The following PNISR variants were observed in gnomAD, a reference collection of about 807,000 sequenced individuals.
PNISR encodes the protein arginine/serine-rich protein PNISR.
In PNISR, 20 loss-of-function variants were observed where a neutral mutation model predicts 93.4. The ratio of observed to expected loss-of-function variants is 0.21; its 90% CI spans 0.15 to 0.31. The LOEUF (loss-of-function observed/expected upper bound fraction) is 0.31. Ranked by LOEUF, PNISR falls within the 10% of genes least tolerant of loss-of-function variation. The pLI, the probability that PNISR is intolerant of heterozygous loss-of-function variation, is 1.00. For synonymous variants in PNISR, 305 were observed against 306.5 expected (o/e 0.99, Z 0.05); for missense variants, 893 against 985.4 (o/e 0.91, Z 1.25).
Position 99,401,223 on chromosome 6 carries a change from T to C in PNISR, c.1735A>G (p.Arg579Gly), listed in dbSNP as rs761722741. 2.9e-5 allele frequency: 47 copies of C among 1,613,916 alleles called. No homozygotes were observed. The Admixed American group carries it at 7.7e-4, about 26-fold the overall frequency. Residue 579 changes from arginine (R) to glycine (G), a missense_variant, in exon 12 of 12, where the codon AGA becomes GGA. Around this residue, in one of 3 missense-constraint regions of PNISR, gnomAD observed 866 missense variants for 935.1 expected, o/e 0.93. Transcript: ENST00000369239. Reference protein sequence around the residue: ...RRSRSRSYSRRIKIESNRARV... With the variant: ...RRSRSRSYSRGIKIESNRARV... ...GCCCTATTGCTCTCTATTTTAATTC[T>C]GCGAGAATAGCTTCTACTCCTGCTA...
chr6:99,406,194 C>A, intron 7 of PNISR, 26 bp from the exon 8 acceptor site: 1 of 1,520,918 alleles, frequency 6.6e-7, no homozygotes, highest in Non-Finnish European at 9.0e-7. Context: ...GTATGGTAGT[C>A]CAAATTCATG....
intron 1 of PNISR, among the ~76,000 whole-genome samples, chr6:99,416,931 T>C (rs957070814): frequency 2.6e-5 from 4 of 152,232 alleles, no homozygotes; most frequent in Admixed American, 2.0e-4. Context: ...AATTTATTCA[T>C]CCTTTTATCT....
At chr6:99,402,092 G>A (rs1044436081) in intron 11 of PNISR, among the ~76,000 whole-genome samples, 1 of 151,992 alleles carries the variant, frequency 6.6e-6, no homozygotes, top group Non-Finnish European at 1.5e-5. Flanking sequence ...GTAAGTAAGT[G>A]GTTTATAGAG....
At chr6:99,408,327 CT>C in intron 6 of PNISR, 56 bp from the exon 7 acceptor site, 1 of 1,239,032 alleles carries the variant, frequency 8.1e-7, no homozygotes, top group Non-Finnish European at 1.1e-6. Context: ...TTTCTACAAA[CT>C]TGTGAGTAAA....
chr6:99,420,596 A>G (rs192445400), intron 1 of PNISR, among the ~76,000 whole-genome samples: 173 of 152,334 alleles, frequency 1.1e-3, no homozygotes, highest in African/African-American at 4.1e-3. Flanking sequence ...TAGAAAACAG[A>G]AGGAATACAC....
In PNISR at chr6:99,400,843, A is replaced by G. The variant is rs375608535; in HGVS notation, c.2115T>C (p.Ser705=). The G allele has an allele frequency of 1.9e-6, 3 of 1,607,030 alleles. No individual in the cohort carries two copies. In the African/African-American group the frequency reaches 4.0e-5, roughly 22 times the overall value. The change falls in exon 12 of 12, where the codon AGT becomes AGC. Residue 705 remains serine (S), a synonymous_variant. Coordinates refer to ENST00000369239, the MANE Select transcript of PNISR (RefSeq NM_032870.4). ...QKREEKDFKF[S]SQDDRLKRKR... is the part of the protein sequence containing the mutation. ...TCCTTTTTAATCTATCATCCTGACT[A>G]CTGAACTTAAAATCTTTTTCTTCCC...
At position 99,406,033 on chromosome 6, in the gene PNISR, T is replaced by C. The variant is rs750476385; in HGVS notation, c.1000A>G (p.Met334Val). The C allele has an allele frequency of 8.1e-6, 13 of 1,602,986 alleles. No homozygotes were observed. Among genetic ancestry groups the C allele is most frequent in the Non-Finnish European group, 9.4e-6 (11 of 1,174,492 alleles). ...EMTEEEKEYQMMLLTKMLLTE... is the reference protein window; with the variant it reads ...EMTEEEKEYQVMLLTKMLLTE... Reference sequence around the variant, plus strand: ...TAGTAAGAACTTTAACATTCTACCATTTGATACTCTTTCTCCTCTTCAGTC... The same window carrying C: ...TAGTAAGAACTTTAACATTCTACCACTTGATACTCTTTCTCCTCTTCAGTC... Residue 334 changes from methionine to valine, a missense_variant and splice_region_variant, in exon 8 of 12, where the codon ATG becomes GTG. Transcript: ENST00000369239.
In PNISR at chr6:99,403,858, G is replaced by A. The variant is rs751515194; in HGVS notation, c.1127C>T (p.Ser376Phe). The A allele has an allele frequency of 1.9e-6, 3 of 1,613,630 alleles. No individual in the cohort carries two copies. Among genetic ancestry groups the A allele is most frequent in the Non-Finnish European group, 2.5e-6 (3 of 1,179,718 alleles). ...TCCAGTGAGGGAAGCCAGTGCACTGGACTGTGCCAGCTGTTTTGCAGGAGC... is the reference window on the plus strand; with the variant it reads ...TCCAGTGAGGGAAGCCAGTGCACTGAACTGTGCCAGCTGTTTTGCAGGAGC... ...TKAPAKQLAQ[S>F]SALASLTGLG... Residue 376 changes from serine (S) to phenylalanine (F), a missense_variant, in exon 10 of 12, where the codon TCC (serine) becomes TTC (phenylalanine). Ser to Phe is a radical substitution (Grantham distance 155). This residue lies in a region of PNISR where 866 missense variants were observed against 935.1 expected (regional missense o/e 0.93). Coordinates refer to ENST00000369239, the MANE Select transcript of PNISR (RefSeq NM_032870.4).
At chr6:99,423,669 C>T (rs1778956710) in intron 1 of PNISR, among the ~76,000 whole-genome samples, 1 of 152,164 alleles carries the variant, frequency 6.6e-6, no homozygotes, top group Non-Finnish European at 1.5e-5. Context: ...AATCGTCTGG[C>T]AAATTCCAAT....
intron 9 of PNISR, chr6:99,404,363 C>A: frequency 2.0e-6 from 1 of 491,214 alleles, no homozygotes; most frequent in South Asian, 2.1e-5. Context: ...GAATTTTCCA[C>A]AATACATTTT....
In PNISR at chr6:99,400,951, C is replaced by A. The variant is rs1244170165; in HGVS notation, c.2007G>T (p.Arg669Ser). 1.3e-6 allele frequency: 2 copies of A among 1,587,932 alleles called. No homozygotes were observed. The highest frequency in any genetic ancestry group is 8.6e-7 in the Non-Finnish European group (1 of 1,156,742). Reference sequence around the variant, plus strand: ...TCCTATCTTTATCTATACTTCGACTCCTCTCCTTTTTCCTCTCTTGTTCTT... The same window carrying A: ...TCCTATCTTTATCTATACTTCGACTACTCTCCTTTTTCCTCTCTTGTTCTT... ...EAKEQERKKE[R>S]SRSIDKDRKK... Residue 669 changes from arginine (R) to serine (S), a missense_variant, in exon 12 of 12, where the codon AGG becomes AGT. Arg to Ser is a moderately radical substitution (Grantham distance 110, BLOSUM62 -1). Coordinates refer to ENST00000369239, the MANE Select transcript of PNISR (RefSeq NM_032870.4).
In PNISR at chr6:99,401,288, C is replaced by T. The variant is rs768353261; in HGVS notation, c.1670G>A (p.Arg557Lys). 6.2e-7 allele frequency: 1 copy of T among 1,614,120 alleles called. No individual in the cohort carries two copies. The highest frequency in any genetic ancestry group is 8.5e-7 in the Non-Finnish European group (1 of 1,179,986). Residue 557 changes from arginine to lysine, a missense_variant, in exon 12 of 12, where the codon AGA (arginine) becomes AAA (lysine). By Grantham distance (26) the Arg-to-Lys change is conservative. Coordinates refer to ENST00000369239, the MANE Select transcript of PNISR (RefSeq NM_032870.4). ...TGTTGGAGATCTACTCCTACTGTGT[C>T]TCTTTTTCCTTTTAGGAGAAGAAGA... The part of the protein sequence containing the change: ...SRSSSPKRKK[R>K]HSRSRSPTIK...
intron 7 of PNISR, 87 bp downstream of exon 7, chr6:99,407,994 T>C: frequency 1.0e-6 from 1 of 962,700 alleles, no homozygotes; most frequent in Non-Finnish European, 1.6e-6. Context: ...CTCTAATACT[T>C]TCCTATAGGC....
At position 99,419,152 on chromosome 6, in the gene PNISR, C is replaced by CAAA. The variant is rs1166838873; in HGVS notation, c.-111-2727_-111-2725dup. ...TGGGTGCCAGAGCGAGACTCCGTCTCAAAAAAAAAAAAAAAAAAAAAAAAA... is the reference window on the plus strand; with the variant it reads ...TGGGTGCCAGAGCGAGACTCCGTCTCAAAAAAAAAAAAAAAAAAAAAAAAAAAA... On this transcript the variant is annotated intron_variant, in intron 1 of 11. Transcript: ENST00000369239. Among the ~76,000 whole-genome samples, 5 of 19,824 alleles carry CAAA rather than the reference C, an allele frequency of 2.5e-4. 2 individuals carry two copies. Among genetic ancestry groups the CAAA allele is most frequent in the African/African-American group, 3.5e-4 (2 of 5,684 alleles). 13.0% of individuals were successfully genotyped at this position (19,824 alleles called of 152,430 possible). A position where few individuals can be genotyped will look rare whatever the true frequency, so the allele number is the denominator to read the frequency against.
chr6:99,405,982 T>C (rs759309588), intron 8 of PNISR, 49 bp downstream of exon 8: 11 of 1,383,814 alleles, frequency 7.9e-6, no homozygotes, highest in South Asian at 4.2e-5. Flanking sequence ...CCAAAAAAAA[T>C]TGCAAACGAA....
rs766908077 is a variant in PNISR, at chr6:99,401,532, C to T, written c.1426G>A (p.Gly476Ser). Residue 476 changes from glycine to serine, a missense_variant, in exon 12 of 12, where the codon GGT becomes AGT. Gly to Ser is a moderately conservative substitution (Grantham distance 56). Around this residue, in one of 3 missense-constraint regions of PNISR, gnomAD observed 866 missense variants for 935.1 expected, o/e 0.93. Transcript: ENST00000369239. Reference sequence around the variant, plus strand: ...CTCTTCTTTTCATTAACCACATCACCGTCTGCTTCTCTTGCTTCTAGTAGT... The same window carrying T: ...CTCTTCTTTTCATTAACCACATCACTGTCTGCTTCTCTTGCTTCTAGTAGT... ...LSLLEAREAD[G>S]DVVNEKKRTP... 5.0e-6 allele frequency: 8 copies of T among 1,612,242 alleles called. No homozygotes were observed. The highest frequency in any genetic ancestry group is 2.7e-5 in the African/African-American group (2 of 74,638).
In PNISR at chr6:99,416,436, G is replaced by GA. The variant is rs1256334006; in HGVS notation, c.-111-9dup. The stretch of plus-strand genomic sequence containing the variant: ...AGCAAGATTATGTATGCCCTAGGGG[G>GA]AAAAAAAGTAGATGTCTGCTTATAG... On this transcript the variant is annotated splice_polypyrimidine_tract_variant and intron_variant, in intron 1 of 11. Transcript: ENST00000369239. 7 of 1,086,924 alleles carry GA rather than the reference G, an allele frequency of 6.4e-6. No homozygotes were observed. The highest frequency in any genetic ancestry group is 7.0e-6 in the Non-Finnish European group (6 of 856,308). 67.3% of individuals were successfully genotyped at this position (1,086,924 alleles called of 1,614,324 possible). A position where few individuals can be genotyped will look rare whatever the true frequency, so the allele number is the denominator to read the frequency against.
At chr6:99,403,701 A>G (rs953976793) in intron 10 of PNISR, 128 bp downstream of exon 10, 2 of 560,306 alleles carry the variant, frequency 3.6e-6, no homozygotes, top group East Asian at 3.1e-5. Context: ...ACAGGATGAC[A>G]TAACCCTAAG....
chr6:99,420,977 T>C (rs1467912886), intron 1 of PNISR, among the ~76,000 whole-genome samples: 1 of 152,272 alleles, frequency 6.6e-6, no homozygotes, highest in African/African-American at 2.4e-5. Context: ...ACTGAAATGT[T>C]AGCAAGTAAA....
Sources: gnomAD v4.1 joint callset for allele counts (sites outside exome capture counted in the v4.1 genomes callset) on GRCh38, gnomAD v4.1.1 for gene constraint, gnomAD v4.1.1 regional missense constraint, MANE v1.5 for transcripts, NCBI Gene and HGNC (gene_info 2026-07-23, HGNC 2026-07-21) for gene names.